Variants in NT5DC1 observed in about 807,000 individuals in gnomAD.
The protein encoded by NT5DC1 is 5'-nucleotidase domain-containing protein 1.
Under a neutral mutation model 59.4 loss-of-function variants are expected in NT5DC1, and 42 were observed. The observed-to-expected ratio is 0.71, with a 90% confidence interval of 0.55 to 0.92. The LOEUF is 0.92. Among genes scored for constraint, NT5DC1 ranks in the 40% least tolerant of loss-of-function variants. The pLI, the probability that NT5DC1 is intolerant of heterozygous loss-of-function variation, is 0.00. For missense variants in NT5DC1, 501 were observed against 537.1 expected (o/e 0.93, Z 0.66); for synonymous variants, 172 against 188.1 (o/e 0.91, Z 0.70).
At chr6:116,161,039 T>C in intron 6 of NT5DC1, among the ~76,000 whole-genome samples, 1 of 151,694 alleles carries the variant, frequency 6.6e-6, no homozygotes, top group African/African-American at 2.4e-5. Flanking sequence ...ATGTCCTTTG[T>C]AGGGACATGG....
At chr6:116,207,484 C>T (rs1781481674) in intron 6 of NT5DC1, among the ~76,000 whole-genome samples, 2 of 151,316 alleles carry the variant, frequency 1.3e-5, no homozygotes, top group East Asian at 2.0e-4. Context: ...TCATGCTTAC[C>T]GGGTAAAGAG....
At chr6:116,217,548 G>C (rs1781710266) in intron 6 of NT5DC1, among the ~76,000 whole-genome samples, 1 of 151,984 alleles carries the variant, frequency 6.6e-6, no homozygotes, top group Non-Finnish European at 1.5e-5. Context: ...ATTCCATTTT[G>C]TTCAATCAGT....
chr6:116,241,904 C>T (rs1367143178), intron 11 of NT5DC1, among the ~76,000 whole-genome samples: 1 of 117,826 alleles, frequency 8.5e-6, no homozygotes, highest in Non-Finnish European at 1.7e-5. Flanking sequence ...GCCTGGGTGA[C>T]AGAGCAAGAC....
chr6:116,165,592 T>G (rs939378291), intron 6 of NT5DC1, among the ~76,000 whole-genome samples: 2 of 152,230 alleles, frequency 1.3e-5, no homozygotes, highest in African/African-American at 4.8e-5. Context: ...CTCTCCTACA[T>G]CCACAACAGT....
chr6:116,169,200 C>G (rs1780549834), intron 6 of NT5DC1, among the ~76,000 whole-genome samples: 1 of 152,180 alleles, frequency 6.6e-6, no homozygotes, highest in South Asian at 2.1e-4. Context: ...AACTTGACCT[C>G]TTAAATCTTC....
chr6:116,182,235 G>GTGTGTGTGTGTA lies in NT5DC1; in HGVS notation c.530-38808_530-38807insATGTGTGTGTGT, dbSNP rs1554198456. Reference sequence around the variant, plus strand: ...TATTCCATGGAGAGTGTGTGTGTGTGTGTGTGTGTGTGTGTGTGTATCACA... The same window carrying GTGTGTGTGTGTA: ...TATTCCATGGAGAGTGTGTGTGTGTGTGTGTGTGTGTATGTGTGTGTGTGTGTGTGTATCACA... On this transcript the variant is annotated intron_variant, in intron 6 of 11. Transcript: ENST00000319550. Among the ~76,000 whole-genome samples, 1,015 of 151,384 alleles carry GTGTGTGTGTGTA rather than the reference G, an allele frequency of 6.7e-3. 13 individuals are homozygous for GTGTGTGTGTGTA. Among genetic ancestry groups the GTGTGTGTGTGTA allele is most frequent in the African/African-American group, 0.02 (831 of 41,204 alleles).
At chr6:116,220,521 T>C (rs1258733618) in intron 6 of NT5DC1, among the ~76,000 whole-genome samples, 3 of 152,228 alleles carry the variant, frequency 2.0e-5, no homozygotes, top group Non-Finnish European at 4.4e-5. Context: ...CATTTTGATA[T>C]CTCAGCACTT....
intron 8 of NT5DC1, among the ~76,000 whole-genome samples, chr6:116,232,641 C>A (rs971663416): frequency 2.0e-5 from 3 of 152,052 alleles, no homozygotes; most frequent in Admixed American, 1.3e-4. Context: ...TTCTGGCCTA[C>A]AAAACTTCTC....
At chr6:116,183,009 T>C (rs1780921622) in intron 6 of NT5DC1, among the ~76,000 whole-genome samples, 2 of 152,154 alleles carry the variant, frequency 1.3e-5, no homozygotes, top group Non-Finnish European at 2.9e-5. Context: ...TGGTTTTGGG[T>C]CTTAGATTTA....
At position 116,245,505 on chromosome 6, in the gene NT5DC1, T is replaced by G. The variant is rs892190192; in HGVS notation, c.*1481T>G. 4 of 152,544 alleles carry G rather than the reference T, an allele frequency of 2.6e-5. No individual in the cohort carries two copies. Among genetic ancestry groups the G allele is most frequent in the Admixed American group, 2.0e-4 (3 of 15,276 alleles). The allele number at this position is 152,544 out of a possible 1,614,324, so 9.4% of individuals were successfully genotyped here. ...AATCACTGAAATTTTTCCCTCACAGTCAGTAGCTTTGTTTGATATTTAACA... is the reference window on the plus strand; with the variant it reads ...AATCACTGAAATTTTTCCCTCACAGGCAGTAGCTTTGTTTGATATTTAACA... On this transcript the variant is annotated 3_prime_UTR_variant, in exon 12 of 12. Coordinates refer to ENST00000319550, the MANE Select transcript of NT5DC1 (RefSeq NM_152729.3).
intron 6 of NT5DC1, among the ~76,000 whole-genome samples, chr6:116,172,667 T>C (rs537608319): frequency 6.6e-6 from 1 of 152,310 alleles, no homozygotes; most frequent in South Asian, 2.1e-4. Context: ...TTATGTTTTC[T>C]CTGTATAGCA....
At chr6:116,120,920 G>A (rs1779099435) in intron 6 of NT5DC1, 1 of 1,613,720 alleles carries the variant, frequency 6.2e-7, no homozygotes, top group Non-Finnish European at 8.5e-7. Context: ...GTTACCCTTA[G>A]GACCATCGAG....
intron 8 of NT5DC1, among the ~76,000 whole-genome samples, chr6:116,228,006 C>T (rs1364493628): frequency 6.6e-6 from 1 of 152,014 alleles, no homozygotes; most frequent in Non-Finnish European, 1.5e-5. Context: ...CTGTGCATTT[C>T]GGGATATAGC....
intron 6 of NT5DC1, among the ~76,000 whole-genome samples, chr6:116,190,408 G>T (rs1395963314): frequency 6.6e-6 from 1 of 151,962 alleles, no homozygotes; most frequent in African/African-American, 2.4e-5. Context: ...CTTAGAAACA[G>T]AGGGGAAATG....
chr6:116,135,873 A>ATATG (rs1491111454), intron 6 of NT5DC1, among the ~76,000 whole-genome samples: 129 of 62,170 alleles, frequency 2.1e-3, no homozygotes, highest in South Asian at 0.016. Context: ...ATATATATAT[A>ATATG]CACACATACA....
chr6:116,164,042 A>G (rs943606241), intron 6 of NT5DC1, among the ~76,000 whole-genome samples: 9 of 152,334 alleles, frequency 5.9e-5, no homozygotes, highest in African/African-American at 2.2e-4. Context: ...AGAAAGTTCC[A>G]TGCACAGATG....
At chr6:116,190,983 T>C (rs989282300) in intron 6 of NT5DC1, among the ~76,000 whole-genome samples, 1 of 151,984 alleles carries the variant, frequency 6.6e-6, no homozygotes, top group African/African-American at 2.4e-5. Context: ...ACTCCAGCTC[T>C]TTATTTTAAG....
intron 6 of NT5DC1, among the ~76,000 whole-genome samples, chr6:116,160,839 G>A (rs1031960363): frequency 1.3e-5 from 2 of 151,982 alleles, no homozygotes; most frequent in Admixed American, 1.3e-4. Flanking sequence ...TCCCATTACT[G>A]GGTATATACC....
intron 1 of NT5DC1, among the ~76,000 whole-genome samples, chr6:116,105,337 C>T (rs776337718): frequency 1.3e-4 from 20 of 152,154 alleles, no homozygotes; most frequent in Non-Finnish European, 1.6e-4. Flanking sequence ...GCTCCTCTGC[C>T]TCCCTCTTCT....
Sources: gnomAD v4.1 joint callset for allele counts (sites outside exome capture counted in the v4.1 genomes callset) on GRCh38, gnomAD v4.1.1 for gene constraint, MANE v1.5 for transcripts, NCBI Gene and HGNC (gene_info 2026-07-23, HGNC 2026-07-21) for gene names.